The following CYP3A43 variants were observed in gnomAD, a reference collection of about 807,000 sequenced individuals.
The protein encoded by CYP3A43 is cytochrome P450 3A43.
A neutral mutation model predicts 58.0 loss-of-function variants in CYP3A43; 45 were observed. The ratio of observed to expected loss-of-function variants is 0.78; its 90% CI spans 0.61 to 0.99. CYP3A43 has a LOEUF of 0.99. CYP3A43 is among the 50% of genes least tolerant of loss of function. The probability of loss-of-function intolerance (pLI) is 0.00; values close to 1 mark genes in which losing one functional copy is unlikely to be tolerated. For synonymous variants in CYP3A43, 191 were observed against 201.4 expected, an observed-to-expected ratio of 0.95 and a Z score of 0.44; for missense variants, 593 against 591.9, an observed-to-expected ratio of 1.00 and a Z score of -0.02.
At chr7:99,843,222 T>C (rs1000182365) in intron 3 of CYP3A43, among the ~76,000 whole-genome samples, 1 of 151,992 alleles carries the variant, frequency 6.6e-6, no homozygotes, top group African/African-American at 2.4e-5. Flanking sequence ...CTACACACTC[T>C]CCTTCTTCTC....
At chr7:99,854,886 C>CTT (rs922992515) in intron 7 of CYP3A43, among the ~76,000 whole-genome samples, 1 of 147,800 alleles carries the variant, frequency 6.8e-6, no homozygotes. Context: ...CTCTCTCTCT[C>CTT]TTTTTTTTTT....
In CYP3A43 at chr7:99,859,811, A is replaced by G. The variant is rs531955909; in HGVS notation, c.866-19A>G. On this transcript the variant is annotated intron_variant, in intron 9 of 12. Coordinates refer to ENST00000354829, the MANE Select transcript of CYP3A43 (RefSeq NM_057095.3). ...CTACACTAACCACTTTTCCTAAAAT[A>G]TATTTCCTCTCCTTTCAGCTCTGTC... is the stretch of plus-strand genomic sequence containing the variant. The G allele has an allele frequency of 3.2e-5, 52 of 1,614,024 alleles. No individual in the cohort carries two copies. The highest frequency in any genetic ancestry group is 1.5e-4 in the Admixed American group (9 of 59,994).
At chr7:99,848,820 T>A (rs924975885) in intron 6 of CYP3A43, among the ~76,000 whole-genome samples, 3 of 152,246 alleles carry the variant, frequency 2.0e-5, no homozygotes, top group African/African-American at 7.2e-5. Context: ...TGAACTGGAA[T>A]GTAATTTGAA....
chr7:99,838,000 C>T (rs1303991578), intron 2 of CYP3A43, among the ~76,000 whole-genome samples: 5 of 152,172 alleles, frequency 3.3e-5, no homozygotes, highest in African/African-American at 4.8e-5. Flanking sequence ...TTTTACCCCC[C>T]GAAAAAGCAA....
At chr7:99,857,051 G>A (rs531171317) in intron 9 of CYP3A43, 152 bp downstream of exon 9, 1 of 971,514 alleles carries the variant, frequency 1.0e-6, no homozygotes, top group Non-Finnish European at 1.5e-6. Context: ...ATAGCTGGAG[G>A]CACTTTCTAG....
intron 7 of CYP3A43, among the ~76,000 whole-genome samples, chr7:99,854,910 A>G (rs1317277769): frequency 6.8e-6 from 1 of 147,496 alleles, no homozygotes; most frequent in Middle Eastern, 3.4e-3. Flanking sequence ...TTCGAGAGAC[A>G]TTTTCATTCT....
At position 99,836,483 on chromosome 7, in the gene CYP3A43, G is replaced by C; in HGVS notation, c.102G>C (p.Lys34Asn). 1 of 1,610,758 alleles carries C rather than the reference G, an allele frequency of 6.2e-7. No homozygotes were observed. The highest frequency in any genetic ancestry group is 8.5e-7 in the Non-Finnish European group (1 of 1,179,310). Residue 34 changes from lysine to asparagine, a missense_variant, in exon 2 of 13, where the codon AAG becomes AAC. Coordinates refer to ENST00000354829, the MANE Select transcript of CYP3A43 (RefSeq NM_057095.3). ...IYGTHSHKLF[K>N]KLGIPGPTPL... ...GGACCCATTCACATAAACTTTTTAA[G>C]AAGCTGGGAATTCCTGGGCCAACCC...
chr7:99,859,769 A>G (rs1299475834), intron 9 of CYP3A43, 61 bp from the exon 10 acceptor site: 3 of 1,599,378 alleles, frequency 1.9e-6, no homozygotes, highest in Non-Finnish European at 2.6e-6. Context: ...ATTTTGCTTC[A>G]TCTAAACTGT....
intron 2 of CYP3A43, chr7:99,838,777 C>A: frequency 1.3e-6 from 1 of 754,202 alleles, no homozygotes. Context: ...GTCAGGAGTT[C>A]GAGACCAGCT....
In CYP3A43 at chr7:99,839,035, T is replaced by C. The variant is rs560145099; in HGVS notation, c.166-85T>C. Reference sequence around the variant, plus strand: ...AGCAAGCCTAATGGTAGCAAGTCATTGGATTTGACTTTTTTGCCCTGGTTA... The same window carrying C: ...AGCAAGCCTAATGGTAGCAAGTCATCGGATTTGACTTTTTTGCCCTGGTTA... On this transcript the variant is annotated intron_variant, in intron 2 of 12. Coordinates refer to ENST00000354829, the MANE Select transcript of CYP3A43 (RefSeq NM_057095.3). 1.7e-4 allele frequency: 250 copies of C among 1,479,266 alleles called. 2 individuals are homozygous for C. The South Asian group carries it at 2.4e-3, about 14-fold the overall frequency. The allele number at this position is 1,479,266 out of a possible 1,614,324, so 91.6% of individuals were successfully genotyped here.
At chr7:99,835,386 G>T (rs186688099) in intron 1 of CYP3A43, among the ~76,000 whole-genome samples, 4 of 152,238 alleles carry the variant, frequency 2.6e-5, no homozygotes, top group Admixed American at 2.6e-4. Flanking sequence ...TAAGCCTCTC[G>T]TGTCAAACCA....
intron 4 of CYP3A43, among the ~76,000 whole-genome samples, chr7:99,845,096 C>T (rs472667): frequency 0.19 from 29,152 of 150,524 alleles, 5,719 homozygotes; most frequent in African/African-American, 0.51. Context: ...TTATATGGTT[C>T]AATGCTTTAC....
chr7:99,838,715 C>CA (rs1383778574), intron 2 of CYP3A43: 7 of 1,275,916 alleles, frequency 5.5e-6, no homozygotes, highest in Non-Finnish European at 7.2e-6. Context: ...CGTGGTGGCT[C>CA]ACGCCTGTAA....
At chr7:99,852,777 C>T (rs1817812343) in intron 7 of CYP3A43, among the ~76,000 whole-genome samples, 2 of 152,108 alleles carry the variant, frequency 1.3e-5, no homozygotes, top group African/African-American at 4.8e-5. Flanking sequence ...TTCATAGATG[C>T]CCTGTATCAG....
chr7:99,842,090 G>A (rs1244769977), intron 3 of CYP3A43, among the ~76,000 whole-genome samples: 1 of 152,054 alleles, frequency 6.6e-6, no homozygotes, highest in African/African-American at 2.4e-5. Flanking sequence ...TTAATTAAAA[G>A]ATCAAATTTT....
intron 1 of CYP3A43, among the ~76,000 whole-genome samples, chr7:99,828,786 A>T (rs1327906544): frequency 6.6e-6 from 1 of 152,186 alleles, no homozygotes; most frequent in Non-Finnish European, 1.5e-5. Flanking sequence ...TCCCTCCTGA[A>T]GTGCAGGGTT....
At chr7:99,851,010 T>C (rs1817741527) in intron 7 of CYP3A43, among the ~76,000 whole-genome samples, 1 of 152,066 alleles carries the variant, frequency 6.6e-6, no homozygotes, top group Non-Finnish European at 1.5e-5. Flanking sequence ...CTACTAAAAA[T>C]ACAAAAATTA....
chr7:99,849,955 ATTTTTT>A, intron 7 of CYP3A43: 14 of 362,716 alleles, frequency 3.9e-5, no homozygotes, highest in Non-Finnish European at 5.1e-5. Context: ...CTTCCTCACC[ATTTTTT>A]TTTTTTTTTT....
intron 7 of CYP3A43, 39 bp from the exon 8 acceptor site, chr7:99,855,552 A>G (rs773321024): frequency 8.9e-6 from 14 of 1,569,750 alleles, no homozygotes; most frequent in African/African-American, 1.4e-5. Context: ...ATTTTTCACT[A>G]TGATTTATTT....
Sources: allele counts gnomAD v4.1 joint callset (sites outside exome capture counted in the v4.1 genomes callset), GRCh38; gene constraint gnomAD v4.1.1; transcripts MANE v1.5; gene names NCBI Gene and HGNC (gene_info 2026-07-23, HGNC 2026-07-21).